Variants in MGRN1 observed in about 807,000 individuals in gnomAD.
MGRN1 encodes the protein E3 ubiquitin-protein ligase MGRN1.
Under a neutral mutation model 69.2 loss-of-function variants are expected in MGRN1, and 29 were observed. The observed-to-expected ratio is 0.42, with a 90% CI of 0.31 to 0.57. The LOEUF is 0.57. MGRN1 is among the 20% of genes least tolerant of loss of function. The pLI, the probability that MGRN1 is intolerant of heterozygous loss-of-function variation, is 0.15. For missense variants in MGRN1, 998 were observed against 796.2 expected, an observed-to-expected ratio of 1.25 and a Z score of -3.05; for synonymous variants, 470 against 344.2, an observed-to-expected ratio of 1.37 and a Z score of -4.04.
Position 4,673,673 on chromosome 16 carries a change from G to T in MGRN1, c.955+16G>T, listed in dbSNP as rs374171566. ...TGCCGGCTGCGTGAGTTCCCCGGCC[G>T]GCTGTTCTGTGGAAGGTTCTGGAAA... On this transcript the variant is annotated intron_variant, in intron 10 of 16. Coordinates refer to ENST00000262370, the MANE Select transcript of MGRN1 (RefSeq NM_015246.4). 1.2e-5 allele frequency: 20 copies of T among 1,611,006 alleles called. No individual in the cohort carries two copies. Among genetic ancestry groups the T allele is most frequent in the Admixed American group, 3.3e-5 (2 of 59,972 alleles).
chr16:4,671,353 G>C (rs760127231), intron 8 of MGRN1, 38 bp from the exon 9 acceptor site: 1 of 1,606,470 alleles, frequency 6.2e-7, no homozygotes, highest in Admixed American at 1.7e-5. Context: ...TCATATGGCA[G>C]TTGGCGAGGG....
intron 16 of MGRN1, chr16:4,688,586 G>T: frequency 7.5e-7 from 1 of 1,333,840 alleles, no homozygotes; most frequent in Non-Finnish European, 9.6e-7. Flanking sequence ...GGGATCGTCT[G>T]TCCCAAGAGG....
intron 1 of MGRN1, among the ~76,000 whole-genome samples, chr16:4,625,496 G>A (rs1381384619): frequency 1.3e-5 from 2 of 152,228 alleles, no homozygotes; most frequent in Admixed American, 6.5e-5. Context: ...AGTGGTTTGG[G>A]CAATTTCCCT....
intron 5 of MGRN1, 150 bp downstream of exon 5, chr16:4,657,513 C>T (rs967410241): frequency 2.7e-5 from 21 of 777,148 alleles, no homozygotes; most frequent in South Asian, 1.6e-4. Flanking sequence ...CTCAGGTGGA[C>T]GTGTGGATGG....
intron 1 of MGRN1, among the ~76,000 whole-genome samples, chr16:4,643,563 G>A (rs536797622): frequency 1.6e-4 from 25 of 151,852 alleles, no homozygotes; most frequent in African/African-American, 5.3e-4. Flanking sequence ...TAGTAGAGAC[G>A]GGGTTTCACC....
Position 4,657,234 on chromosome 16 carries a change from G to T in MGRN1, c.444-12G>T. On this transcript the variant is annotated splice_polypyrimidine_tract_variant and intron_variant, in intron 4 of 16. Coordinates refer to ENST00000262370, the MANE Select transcript of MGRN1 (RefSeq NM_015246.4). ...TGCCGCAGCCTCACTGCTTGCTCCT[G>T]GCTCCCTGCAGATACAGCCCCAAGA... 6.2e-7 allele frequency: 1 copy of T among 1,612,056 alleles called. No homozygotes were observed. Among genetic ancestry groups the T allele is most frequent in the Non-Finnish European group, 8.5e-7 (1 of 1,178,302 alleles).
intron 8 of MGRN1, among the ~76,000 whole-genome samples, chr16:4,668,634 A>G (rs1387974626): frequency 2.0e-5 from 3 of 151,940 alleles, no homozygotes; most frequent in African/African-American, 7.3e-5. Context: ...ATTCAGATGC[A>G]CACACTCAGA....
At chr16:4,667,909 C>G (rs1293241491) in intron 7 of MGRN1, among the ~76,000 whole-genome samples, 3 of 152,256 alleles carry the variant, frequency 2.0e-5, no homozygotes, top group East Asian at 1.9e-4. Flanking sequence ...CCAGGTGATA[C>G]TTCTCGGTGT....
At chr16:4,688,717 G>C in intron 16 of MGRN1, 79 bp from the exon 17 acceptor site, 1 of 1,479,150 alleles carries the variant, frequency 6.8e-7, no homozygotes, top group South Asian at 1.3e-5. Context: ...AGCCCCTCTG[G>C]GGCTCCAGAT....
At chr16:4,636,344 C>G (rs2141836791) in intron 1 of MGRN1, among the ~76,000 whole-genome samples, 1 of 152,110 alleles carries the variant, frequency 6.6e-6, no homozygotes, top group Non-Finnish European at 1.5e-5. Flanking sequence ...CTTGCTCCAC[C>G]TCAGGATGAG....
In MGRN1 at chr16:4,651,947, G is replaced by A. The variant is rs748725957; in HGVS notation, c.208-16G>A. 5 of 1,613,338 alleles carry A rather than the reference G, an allele frequency of 3.1e-6. No homozygotes were observed. The highest frequency in any genetic ancestry group is 4.2e-6 in the Non-Finnish European group (5 of 1,179,456). ...TCCTGAGGGAGTCACCTGGGGCCCT[G>A]TGGTTTTTCTCCTAGTTTCCCTACG... is the stretch of plus-strand genomic sequence containing the variant. On this transcript the variant is annotated splice_polypyrimidine_tract_variant and intron_variant, in intron 2 of 16. Transcript: ENST00000262370.
rs1206642909 is a variant in MGRN1, at chr16:4,680,055, GCA to G, written c.1091_1092del (p.His364ProfsTer10). On this transcript the variant is annotated frameshift_variant, in exon 12 of 17. Coordinates refer to ENST00000262370, the MANE Select transcript of MGRN1 (RefSeq NM_015246.4). LOFTEE classifies it high-confidence loss of function. ...AGTGTCCCTTTAAAAAATCAAAGCC[GCA>G]CCCCGCCTCCCTGGCCAGCAAGAAA... ...HSCPFKKSKP[H>X]PASLASKKPK... is the part of the protein sequence containing the mutation. 1 of 1,613,874 alleles carries G rather than the reference GCA, an allele frequency of 6.2e-7. No individual in the cohort carries two copies. Among genetic ancestry groups the G allele is most frequent in the Admixed American group, 1.7e-5 (1 of 59,990 alleles).
At chr16:4,687,447 G>T (rs1021128544) in intron 16 of MGRN1, 17 of 924,650 alleles carry the variant, frequency 1.8e-5, no homozygotes, top group Middle Eastern at 5.5e-4. Context: ...CAGGGGTGCT[G>T]AGGTGGGAGG....
intron 14 of MGRN1, 102 bp downstream of exon 14, chr16:4,683,048 C>T: frequency 1.4e-6 from 2 of 1,472,042 alleles, no homozygotes; most frequent in East Asian, 2.4e-5. Context: ...CCTGGGCGCC[C>T]CCGTGCTTGT....
intron 9 of MGRN1, 24 bp from the exon 10 acceptor site, chr16:4,673,474 A>T (rs375613671): frequency 6.2e-7 from 1 of 1,607,294 alleles, no homozygotes; most frequent in African/African-American, 1.3e-5. Context: ...GAGGCTGCTG[A>T]CCCACAAGCC....
chr16:4,650,249 G>C, intron 1 of MGRN1, 116 bp from the exon 2 acceptor site: 1 of 732,020 alleles, frequency 1.4e-6, no homozygotes. Context: ...CTTGCAGTGA[G>C]CTGAGATAGC....
At chr16:4,684,155 G>A (rs2079253641) in intron 16 of MGRN1, among the ~76,000 whole-genome samples, 1 of 152,254 alleles carries the variant, frequency 6.6e-6, no homozygotes, top group Admixed American at 6.5e-5. Flanking sequence ...CTTGGGAGCG[G>A]AACCTGCACC....
intron 7 of MGRN1, among the ~76,000 whole-genome samples, chr16:4,666,610 C>T (rs2141929651): frequency 6.6e-6 from 1 of 152,308 alleles, no homozygotes; most frequent in South Asian, 2.1e-4. Context: ...ATGTTGTTAC[C>T]TCCTCGGGCT....
intron 1 of MGRN1, among the ~76,000 whole-genome samples, chr16:4,625,565 G>A (rs556300699): frequency 9.8e-5 from 15 of 152,328 alleles, no homozygotes; most frequent in African/African-American, 3.6e-4. Context: ...GGCCCAAGGA[G>A]ACGATTATAG....
Sources: gnomAD v4.1 joint callset for allele counts (sites outside exome capture counted in the v4.1 genomes callset) on GRCh38, gnomAD v4.1.1 for gene constraint, MANE v1.5 for transcripts, NCBI Gene and HGNC (gene_info 2026-07-23, HGNC 2026-07-21) for gene names.